Variants in KCND2 observed in about 807,000 individuals in gnomAD.
The protein encoded by KCND2 is potassium voltage-gated channel subfamily D member 2.
KCND2 carries 16 observed loss-of-function variants against 54.4 expected under a neutral mutation model. The ratio of observed to expected loss-of-function variants is 0.29; its 90% confidence interval spans 0.20 to 0.45. The LOEUF is 0.45. Among genes scored for constraint, KCND2 ranks in the 20% least tolerant of loss-of-function variants. The pLI is 1.00. For synonymous variants in KCND2, 317 were observed against 310.7 expected, an observed-to-expected ratio of 1.02 and a Z score of -0.21; for missense variants, 486 against 824.2, an observed-to-expected ratio of 0.59 and a Z score of 5.02.
chr7:120,377,712 T>G (rs1011936440), intron 1 of KCND2, among the ~76,000 whole-genome samples: 6 of 151,992 alleles, frequency 3.9e-5, no homozygotes, highest in African/African-American at 1.2e-4. Flanking sequence ...TATATTATCA[T>G]TTTAAATGGC....
chr7:120,436,619 CTG>C (rs1801869549), intron 1 of KCND2, among the ~76,000 whole-genome samples: 1 of 152,188 alleles, frequency 6.6e-6, no homozygotes, highest in South Asian at 2.1e-4. Context: ...CTCCAGGACT[CTG>C]TCTACAAAAT....
In KCND2 at chr7:120,747,822, C is replaced by G; in HGVS notation, c.1857C>G (p.Tyr619Ter). 1.2e-6 allele frequency: 2 copies of G among 1,612,340 alleles called. No homozygotes were observed. Among genetic ancestry groups the G allele is most frequent in the Non-Finnish European group, 1.7e-6 (2 of 1,178,934 alleles). Residue 619 changes from tyrosine (Y) to a stop codon, truncating the protein, a stop_gained, in exon 6 of 6, where the codon TAC becomes TAG. Transcript: ENST00000331113. LOFTEE classifies it high-confidence loss of function. ...ACGATAGGCCAGAATCCCCTGAGTA[C>G]TCAGGAGGAAATATTGTCAGAGTTT... Reference protein sequence around the residue: ...EGDDRPESPEYSGGNIVRVSA... With the variant: ...EGDDRPESPE
intron 1 of KCND2, among the ~76,000 whole-genome samples, chr7:120,611,342 G>A (rs1278395016): frequency 6.6e-6 from 1 of 152,188 alleles, no homozygotes; most frequent in Non-Finnish European, 1.5e-5. Flanking sequence ...GAAATCTCAG[G>A]TGTTGGGACA....
At chr7:120,705,568 G>C (rs1201354567) in intron 1 of KCND2, among the ~76,000 whole-genome samples, 1 of 152,084 alleles carries the variant, frequency 6.6e-6, no homozygotes, top group Admixed American at 6.6e-5. Flanking sequence ...ATTAGAGATG[G>C]TGTAAGTATT....
intron 1 of KCND2, among the ~76,000 whole-genome samples, chr7:120,659,426 AAAC>A (rs1443115651): frequency 2.6e-5 from 4 of 152,190 alleles, no homozygotes; most frequent in African/African-American, 9.7e-5. Context: ...TTAATCTAAC[AAAC>A]ACGGCAATAT....
At chr7:120,511,023 C>G (rs1233419481) in intron 1 of KCND2, among the ~76,000 whole-genome samples, 2 of 145,830 alleles carry the variant, frequency 1.4e-5, no homozygotes, top group East Asian at 2.0e-4. Context: ...CTCTCTCTCT[C>G]TCACACACAC....
intron 1 of KCND2, among the ~76,000 whole-genome samples, chr7:120,465,230 A>G (rs1389810340): frequency 6.6e-6 from 1 of 152,176 alleles, no homozygotes; most frequent in African/African-American, 2.4e-5. Flanking sequence ...CAAGACAATC[A>G]AGTGATACTT....
intron 1 of KCND2, among the ~76,000 whole-genome samples, chr7:120,448,808 A>G (rs1563049384): frequency 6.6e-6 from 1 of 152,194 alleles, no homozygotes; most frequent in Non-Finnish European, 1.5e-5. Flanking sequence ...ATATAAACGG[A>G]ACCAAAGACA....
rs550962726 is a variant in KCND2, at chr7:120,547,297, A to G, written c.1116-185606A>G. Among the ~76,000 whole-genome samples the G allele has an allele frequency of 6.6e-5, 10 of 152,112 alleles. No individual in the cohort carries two copies. The East Asian group carries it at 9.7e-4, about 15-fold the overall frequency. On this transcript the variant is annotated intron_variant, in intron 1 of 5. Coordinates refer to ENST00000331113, the MANE Select transcript of KCND2 (RefSeq NM_012281.3). The stretch of plus-strand genomic sequence containing the variant: ...CCTTGGGCTTGCATCATGAACTTCA[A>G]TAAGAGCTCAATGACTGAAATCATT...
At chr7:120,339,627 A>C (rs530449907) in intron 1 of KCND2, among the ~76,000 whole-genome samples, 1 of 151,954 alleles carries the variant, frequency 6.6e-6, no homozygotes, top group Admixed American at 6.6e-5. Context: ...CTGAACATCT[A>C]CCAACTGTCC....
At chr7:120,293,116 T>A (rs1006562202) in intron 1 of KCND2, among the ~76,000 whole-genome samples, 13 of 152,138 alleles carry the variant, frequency 8.5e-5, no homozygotes, top group Non-Finnish European at 1.6e-4. Flanking sequence ...GAATAAACTC[T>A]ACCATATTTT....
intron 1 of KCND2, among the ~76,000 whole-genome samples, chr7:120,417,455 C>T (rs1801540268): frequency 6.6e-6 from 1 of 152,182 alleles, no homozygotes; most frequent in Non-Finnish European, 1.5e-5. Context: ...CGGCTGCTCA[C>T]TGCCTAATAA....
intron 1 of KCND2, among the ~76,000 whole-genome samples, chr7:120,378,138 T>C (rs989616652): frequency 6.6e-6 from 1 of 151,986 alleles, no homozygotes; most frequent in Non-Finnish European, 1.5e-5. Flanking sequence ...TGTATGTATA[T>C]ACGTGTGTAT....
intron 1 of KCND2, among the ~76,000 whole-genome samples, chr7:120,609,650 T>C (rs1792926638): frequency 6.6e-6 from 1 of 152,192 alleles, no homozygotes; most frequent in Non-Finnish European, 1.5e-5. Context: ...TTTGCAGTGA[T>C]AGAACTTAAG....
intron 1 of KCND2, among the ~76,000 whole-genome samples, chr7:120,706,064 T>C (rs1792464437): frequency 6.6e-6 from 1 of 152,044 alleles, no homozygotes; most frequent in Non-Finnish European, 1.5e-5. Context: ...TTCATAGGGT[T>C]AGACTGTAGG....
chr7:120,605,314 C>G (rs181403851), intron 1 of KCND2, among the ~76,000 whole-genome samples: 25 of 152,310 alleles, frequency 1.6e-4, no homozygotes, highest in African/African-American at 5.5e-4. Context: ...TAAATGCAGT[C>G]ATTCCACATT....
chr7:120,522,763 T>A (rs1427446652), intron 1 of KCND2, among the ~76,000 whole-genome samples: 1 of 152,202 alleles, frequency 6.6e-6, no homozygotes, highest in Non-Finnish European at 1.5e-5. Flanking sequence ...AGACAAATCA[T>A]ATCACTGCCA....
chr7:120,340,539 A>G (rs1200867510), intron 1 of KCND2, among the ~76,000 whole-genome samples: 1 of 152,194 alleles, frequency 6.6e-6, no homozygotes, highest in Non-Finnish European at 1.5e-5. Context: ...TCAGGTAGGC[A>G]GGGATAATAA....
At chr7:120,713,799 T>C (rs1352730507) in intron 1 of KCND2, among the ~76,000 whole-genome samples, 1 of 152,180 alleles carries the variant, frequency 6.6e-6, no homozygotes. Flanking sequence ...ATATTAGTTA[T>C]GTGAGTTAGT....
Sources: allele counts gnomAD v4.1 joint callset (sites outside exome capture counted in the v4.1 genomes callset), GRCh38; gene constraint gnomAD v4.1.1; transcripts MANE v1.5; gene names NCBI Gene and HGNC (gene_info 2026-07-23, HGNC 2026-07-21).